The following FGGY variants were observed in gnomAD, a reference collection of about 807,000 sequenced individuals.
The protein encoded by FGGY is FGGY carbohydrate kinase domain containing.
A neutral mutation model predicts 71.3 loss-of-function variants in FGGY; 72 were observed. That is an observed-to-expected ratio of 1.01 (90% CI 0.84 to 1.23). The LOEUF (loss-of-function observed/expected upper bound fraction) is 1.23. Among genes scored for constraint, FGGY ranks in the 50% most tolerant of loss-of-function variants. The pLI, the probability that FGGY is intolerant of heterozygous loss-of-function variation, is 0.00. For missense variants in FGGY, 668 were observed against 682.3 expected (o/e 0.98, Z 0.23); for synonymous variants, 251 against 250.3 (o/e 1.00, Z -0.02).
intron 5 of FGGY, among the ~76,000 whole-genome samples, chr1:59,382,102 C>T (rs1428290938): frequency 7.2e-5 from 11 of 152,098 alleles, no homozygotes; most frequent in Non-Finnish European, 1.5e-5. Flanking sequence ...GGAATCATTT[C>T]CCAGAGGATA....
intron 14 of FGGY, among the ~76,000 whole-genome samples, chr1:59,728,633 G>A (rs1218102282): frequency 6.6e-6 from 1 of 151,550 alleles, no homozygotes; most frequent in Non-Finnish European, 1.5e-5. Context: ...TTTCATGTTT[G>A]AAGGATAGTT....
intron 14 of FGGY, among the ~76,000 whole-genome samples, chr1:59,684,179 G>A (rs182460311): frequency 2.0e-5 from 3 of 152,336 alleles, no homozygotes; most frequent in Non-Finnish European, 2.9e-5. Context: ...TACTGGTGGC[G>A]GGAGGTTGGG....
At chr1:59,456,056 A>G (rs1009738880) in intron 5 of FGGY, among the ~76,000 whole-genome samples, 1 of 151,794 alleles carries the variant, frequency 6.6e-6, no homozygotes, top group African/African-American at 2.4e-5. Context: ...CAGACACTTT[A>G]AAAACTTTTT....
At chr1:59,400,244 C>G (rs1055560025) in intron 5 of FGGY, among the ~76,000 whole-genome samples, 2 of 152,190 alleles carry the variant, frequency 1.3e-5, no homozygotes, top group African/African-American at 4.8e-5. Flanking sequence ...GTAGTCAGAT[C>G]TCCCTTGTGA....
At chr1:59,485,852 A>C (rs991592509) in intron 6 of FGGY, among the ~76,000 whole-genome samples, 4 of 152,168 alleles carry the variant, frequency 2.6e-5, no homozygotes, top group South Asian at 2.1e-4. Context: ...GAGGTTAAAT[A>C]ACTTGCCCAA....
intron 6 of FGGY, among the ~76,000 whole-genome samples, chr1:59,472,480 CG>C (rs1294387277): frequency 2.0e-5 from 3 of 152,256 alleles, no homozygotes; most frequent in Non-Finnish European, 4.4e-5. Flanking sequence ...GCGCACGGCG[CG>C]GGACTGGCAG....
At chr1:59,357,195 C>T (rs1037855788) in intron 4 of FGGY, among the ~76,000 whole-genome samples, 3 of 152,106 alleles carry the variant, frequency 2.0e-5, no homozygotes, top group African/African-American at 7.2e-5. Flanking sequence ...TCCTTATTAT[C>T]CTGTATTTGC....
At chr1:59,690,800 CTTAGAT>C (rs1256121342) in intron 14 of FGGY, among the ~76,000 whole-genome samples, 6 of 152,220 alleles carry the variant, frequency 3.9e-5, no homozygotes, top group African/African-American at 7.2e-5. Context: ...TGGGGATGGA[CTTAGAT>C]TTAAAGTCGC....
At position 59,346,341 on chromosome 1, in the gene FGGY, C is replaced by T. The variant is rs765016582; in HGVS notation, c.408C>T (p.Tyr136=). ...AGACCAAGCACAGTGTCCTCCAGTA[C>T]GTCGGGGGGGTGATGTCTGTGGAAA... is the stretch of plus-strand genomic sequence containing the variant. ...INETKHSVLQ[Y]VGGVMSVEMQ... Residue 136 remains tyrosine (Y), a synonymous_variant, in exon 4 of 16, where the codon TAC becomes TAT. Coordinates refer to ENST00000303721, the MANE Select transcript of FGGY (RefSeq NM_018291.5). 3.1e-5 allele frequency: 50 copies of T among 1,611,890 alleles called. No individual in the cohort carries two copies. Among genetic ancestry groups the T allele is most frequent in the Non-Finnish European group, 4.1e-5 (48 of 1,179,678 alleles).
chr1:59,697,554 A>G (rs2097671973), intron 14 of FGGY: 1 of 622,668 alleles, frequency 1.6e-6, no homozygotes, highest in African/African-American at 1.9e-5. Context: ...TGTATTCTTA[A>G]TGCAACATAG....
At chr1:59,709,927 G>T (rs186573254) in intron 14 of FGGY, among the ~76,000 whole-genome samples, 92 of 152,264 alleles carry the variant, frequency 6.0e-4, no homozygotes, top group African/African-American at 2.0e-3. Flanking sequence ...GCCAGCTGGG[G>T]TCACTGCCTT....
intron 12 of FGGY, among the ~76,000 whole-genome samples, chr1:59,663,156 A>AAGTAGGTGT (rs2097293225): frequency 6.6e-6 from 1 of 152,182 alleles, no homozygotes; most frequent in Admixed American, 6.5e-5. Flanking sequence ...CTGGTAGCTT[A>AAGTAGGTGT]ACACTGTAAC....
chr1:59,303,206 C>T (rs986694454), intron 1 of FGGY, among the ~76,000 whole-genome samples: 2 of 152,162 alleles, frequency 1.3e-5, no homozygotes, highest in African/African-American at 4.8e-5. Context: ...CTATGTTGTA[C>T]ATTAGATCTC....
At chr1:59,587,234 G>A (rs1230486702) in intron 8 of FGGY, among the ~76,000 whole-genome samples, 1 of 152,204 alleles carries the variant, frequency 6.6e-6, no homozygotes, top group Non-Finnish European at 1.5e-5. Context: ...CGGCAGCAAG[G>A]CTGGGGGAGG....
chr1:59,558,871 T>A (rs2095738457), intron 8 of FGGY, among the ~76,000 whole-genome samples: 1 of 152,126 alleles, frequency 6.6e-6, no homozygotes, highest in Non-Finnish European at 1.5e-5. Context: ...GGGTATTAAT[T>A]ATTAATATTC....
At chr1:59,337,300 T>G (rs1259926416) in intron 2 of FGGY, among the ~76,000 whole-genome samples, 2 of 151,664 alleles carry the variant, frequency 1.3e-5, no homozygotes, top group South Asian at 2.1e-4. Context: ...GAACCTGGAG[T>G]CTGATGTCTA....
intron 5 of FGGY, among the ~76,000 whole-genome samples, chr1:59,393,791 A>G (rs574949236): frequency 6.6e-6 from 1 of 152,204 alleles, no homozygotes; most frequent in East Asian, 1.9e-4. Flanking sequence ...GAGGCTTCGA[A>G]GTGCTTTTTA....
At chr1:59,663,297 A>C (rs985685445) in intron 12 of FGGY, among the ~76,000 whole-genome samples, 1 of 152,122 alleles carries the variant, frequency 6.6e-6, no homozygotes, top group Non-Finnish European at 1.5e-5. Context: ...TGCTCTTTCC[A>C]CTTTACCATG....
chr1:59,306,130 A>AT, intron 1 of FGGY, among the ~76,000 whole-genome samples: 1 of 151,990 alleles, frequency 6.6e-6, no homozygotes, highest in South Asian at 2.1e-4. Context: ...TTTGTTTTCT[A>AT]TTTTTTTCCC....
Sources: gnomAD v4.1 joint callset for allele counts (sites outside exome capture counted in the v4.1 genomes callset) on GRCh38, gnomAD v4.1.1 for gene constraint, MANE v1.5 for transcripts, NCBI Gene and HGNC (gene_info 2026-07-23, HGNC 2026-07-21) for gene names.